EYS: variants seen among roughly 807,000 people sequenced by gnomAD.
EYS encodes the protein protein eyes shut homolog.
A neutral mutation model predicts 282.1 loss-of-function variants in EYS; 250 were observed. The ratio of observed to expected loss-of-function variants is 0.89; its 90% CI spans 0.80 to 0.98. The LOEUF is 0.98. Among genes scored for constraint, EYS ranks in the 50% least tolerant of loss-of-function variants. The probability of loss-of-function intolerance (pLI) is 0.00; values close to 1 mark genes in which losing one functional copy is unlikely to be tolerated. For missense variants in EYS, 4,016 were observed against 3,709.0 expected (o/e 1.08, Z -2.15); for synonymous variants, 1,355 against 1,282.9 (o/e 1.06, Z -1.20).
chr6:64,605,574 A>AT (rs767277029), intron 24 of EYS, among the ~76,000 whole-genome samples: 26 of 150,248 alleles, frequency 1.7e-4, no homozygotes, highest in East Asian at 7.8e-4. Flanking sequence ...CATCCTCTGA[A>AT]TTTTTTTTTT....
chr6:64,916,877 T>G (rs748163253), intron 15 of EYS, among the ~76,000 whole-genome samples: 6 of 152,194 alleles, frequency 3.9e-5, no homozygotes, highest in Non-Finnish European at 8.8e-5. Context: ...TAAGGACAAC[T>G]TTTCAAATCT....
intron 12 of EYS, among the ~76,000 whole-genome samples, chr6:65,168,001 A>T (rs1407836522): frequency 1.3e-5 from 2 of 151,188 alleles, no homozygotes; most frequent in African/African-American, 4.8e-5. Flanking sequence ...TTTCTTCTTG[A>T]ACAGAGAGAA....
At chr6:65,590,336 T>C (rs1033755429) in intron 2 of EYS, among the ~76,000 whole-genome samples, 47 of 152,182 alleles carry the variant, frequency 3.1e-4, no homozygotes, top group African/African-American at 1.1e-3. Flanking sequence ...ACAAAACTTT[T>C]TCTTTTTAAA....
intron 12 of EYS, among the ~76,000 whole-genome samples, chr6:65,286,750 T>C (rs1259324403): frequency 6.6e-6 from 1 of 151,712 alleles, no homozygotes; most frequent in African/African-American, 2.4e-5. Flanking sequence ...TAAATTCACA[T>C]TAAAATTAAA....
At chr6:65,586,451 T>C (rs988512603) in intron 2 of EYS, among the ~76,000 whole-genome samples, 39 of 152,200 alleles carry the variant, frequency 2.6e-4, no homozygotes, top group Admixed American at 2.4e-3. Flanking sequence ...TTAAGGAATG[T>C]AGCCATTGTG....
intron 12 of EYS, among the ~76,000 whole-genome samples, chr6:65,186,342 T>C (rs1765516848): frequency 6.6e-6 from 1 of 151,746 alleles, no homozygotes; most frequent in Admixed American, 6.6e-5. Context: ...TACTTCCTCT[T>C]GATATGGGAT....
chr6:63,773,633 A>G (rs1769989791), intron 40 of EYS, among the ~76,000 whole-genome samples: 1 of 152,242 alleles, frequency 6.6e-6, no homozygotes. Flanking sequence ...GAAAATGATT[A>G]AGAGCAAAGA....
At chr6:65,297,576 C>A (rs149807866) in intron 11 of EYS, among the ~76,000 whole-genome samples, 1 of 152,004 alleles carries the variant, frequency 6.6e-6, no homozygotes, top group East Asian at 1.9e-4. Context: ...GGTTTTAATT[C>A]TTTTCAAACA....
chr6:64,217,454 A>G (rs981887734), intron 31 of EYS, among the ~76,000 whole-genome samples: 4 of 152,160 alleles, frequency 2.6e-5, no homozygotes, highest in African/African-American at 7.2e-5. Flanking sequence ...CCTTGAACCC[A>G]GGAGACAGAG....
At chr6:64,466,664 T>C (rs1775930419) in intron 26 of EYS, among the ~76,000 whole-genome samples, 1 of 152,082 alleles carries the variant, frequency 6.6e-6, no homozygotes, top group Non-Finnish European at 1.5e-5. Flanking sequence ...GTTAAAGATA[T>C]CTATTGTACA....
At chr6:64,477,321 C>A (rs1390889976) in intron 26 of EYS, among the ~76,000 whole-genome samples, 1 of 152,224 alleles carries the variant, frequency 6.6e-6, no homozygotes, top group East Asian at 1.9e-4. Context: ...AGCATAGGGA[C>A]ATAACTCATA....
At chr6:64,564,716 T>G (rs990589986) in intron 26 of EYS, among the ~76,000 whole-genome samples, 2 of 147,828 alleles carry the variant, frequency 1.4e-5, no homozygotes, top group African/African-American at 5.0e-5. Flanking sequence ...ATGTTCTCAC[T>G]CATAAGTGGG....
At chr6:65,016,071 G>A (rs368802596) in intron 13 of EYS, among the ~76,000 whole-genome samples, 104 of 115,696 alleles carry the variant, frequency 9.0e-4, no homozygotes, top group African/African-American at 2.6e-3. Flanking sequence ...AAAAGAAAAA[G>A]AAAAAAAAAA....
At chr6:64,043,177 C>T (rs1211349062) in intron 33 of EYS, among the ~76,000 whole-genome samples, 1 of 151,964 alleles carries the variant, frequency 6.6e-6, no homozygotes, top group African/African-American at 2.4e-5. Flanking sequence ...GATAAAATAC[C>T]ATTTTCACCT....
At chr6:65,648,818 G>A (rs188363555) in intron 1 of EYS, among the ~76,000 whole-genome samples, 1 of 152,202 alleles carries the variant, frequency 6.6e-6, no homozygotes, top group Non-Finnish European at 1.5e-5. Flanking sequence ...ATTCCACCTA[G>A]GCTTTTACAC....
chr6:65,402,827 T>A (rs1766570451), intron 6 of EYS, among the ~76,000 whole-genome samples: 1 of 152,100 alleles, frequency 6.6e-6, no homozygotes, highest in Non-Finnish European at 1.5e-5. Flanking sequence ...TATTAAGAGT[T>A]AGCAACTATA....
intron 7 of EYS, among the ~76,000 whole-genome samples, chr6:65,387,060 C>T (rs1202727733): frequency 6.6e-6 from 1 of 151,752 alleles, no homozygotes; most frequent in South Asian, 2.1e-4. Flanking sequence ...ATACTCTTAT[C>T]CTCTTTTACT....
chr6:64,947,316 AT>A (rs1650144268), intron 14 of EYS, among the ~76,000 whole-genome samples: 1 of 151,914 alleles, frequency 6.6e-6, no homozygotes, highest in South Asian at 2.1e-4. Flanking sequence ...AGAAAAATAA[AT>A]GCATGCTCCA....
chr6:64,226,684 T>C lies in EYS; in HGVS notation c.6424+3908A>G, dbSNP rs537765549. Among the ~76,000 whole-genome samples the C allele has an allele frequency of 2.0e-5, 3 of 152,236 alleles. No individual in the cohort carries two copies. The South Asian group carries it at 6.2e-4, about 32-fold the overall frequency. On this transcript the variant is annotated intron_variant, in intron 31 of 42. Transcript: ENST00000503581. The stretch of plus-strand genomic sequence containing the variant: ...GGCAACAAGGTTTAGCTAATATGAA[T>C]TAAGATAGCATGTGTTGAAGAAAAA...
Sources: gnomAD v4.1 joint callset for allele counts (sites outside exome capture counted in the v4.1 genomes callset) on GRCh38, gnomAD v4.1.1 for gene constraint, MANE v1.5 for transcripts, NCBI Gene and HGNC (gene_info 2026-07-23, HGNC 2026-07-21) for gene names.